The following HIVEP3 variants were observed in gnomAD, a reference collection of about 807,000 sequenced individuals.
HIVEP3 encodes HIVEP zinc finger 3.
HIVEP3 carries 49 observed loss-of-function variants against 152.8 expected under a neutral mutation model. The ratio of observed to expected loss-of-function variants is 0.32; its 90% confidence interval spans 0.26 to 0.41. The LOEUF (loss-of-function observed/expected upper bound fraction) is 0.41. HIVEP3 is among the 10% of genes least tolerant of loss of function. The pLI, the probability that HIVEP3 is intolerant of heterozygous loss-of-function variation, is 1.00. For synonymous variants in HIVEP3, 1,269 were observed against 1,289.0 expected (o/e 0.98, Z 0.33); for missense variants, 2,790 against 3,103.3 (o/e 0.90, Z 2.40).
At chr1:41,596,341 C>T (rs1462685553) in intron 3 of HIVEP3, among the ~76,000 whole-genome samples, 1 of 152,326 alleles carries the variant, frequency 6.6e-6, no homozygotes, top group African/African-American at 2.4e-5. Context: ...TACCCTCTGA[C>T]CTGGATTCAT....
intron 2 of HIVEP3, among the ~76,000 whole-genome samples, chr1:41,657,524 G>GC (rs1645646750): frequency 6.6e-6 from 1 of 152,166 alleles, no homozygotes; most frequent in Non-Finnish European, 1.5e-5. Flanking sequence ...CTATTTTGTT[G>GC]CCCCCTTTGG....
rs1053002045 is a variant in HIVEP3 at position 41,533,644 on chromosome 1, C to T, written c.5208-8734G>A. On this transcript the variant is annotated intron_variant, in intron 5 of 8. Transcript: ENST00000372583. This position sits in a 1 kb window ranked among gnomAD's most constrained non-coding sequence, Gnocchi z 4.3. ...CCTCTTGCTGGCCTTCTGGAGGCAC[C>T]TCATTCCCTCCTGCTTGTGTCTCCT... Among the ~76,000 whole-genome samples the T allele has an allele frequency of 3.3e-5, 5 of 151,828 alleles. No individual in the cohort carries two copies. Among genetic ancestry groups the T allele is most frequent in the Non-Finnish European group, 2.9e-5 (2 of 67,982 alleles).
rs564964678 is a variant in HIVEP3, at chr1:41,787,216, C to G, written c.-800-86221G>C. On this transcript the variant is annotated intron_variant, in intron 1 of 8. Coordinates refer to ENST00000372583, the MANE Select transcript of HIVEP3 (RefSeq NM_024503.5). ...ACCAAAATAATGCCCGTGTCTGATGCATGCACTACGCCGCAACAGTATCTG... is the reference window on the plus strand; with the variant it reads ...ACCAAAATAATGCCCGTGTCTGATGGATGCACTACGCCGCAACAGTATCTG... Among the ~76,000 whole-genome samples, 7 of 152,158 alleles carry G rather than the reference C, an allele frequency of 4.6e-5. 1 individual carries two copies. The highest frequency in any genetic ancestry group is 4.6e-4 in the Admixed American group (7 of 15,272).
intron 1 of HIVEP3, among the ~76,000 whole-genome samples, chr1:41,904,234 AG>A (rs1285875862): frequency 6.6e-6 from 1 of 152,080 alleles, no homozygotes; most frequent in Non-Finnish European, 1.5e-5. Flanking sequence ...GGAGGGCCCC[AG>A]GGTCAAACAA....
chr1:41,619,402 TAC>T (rs1291180894), intron 3 of HIVEP3, among the ~76,000 whole-genome samples: 2 of 152,238 alleles, frequency 1.3e-5, no homozygotes, highest in Non-Finnish European at 2.9e-5. Context: ...TTATTTTACA[TAC>T]ACTTATGTTT....
At chr1:41,886,712 CAAAAAAAAAAAAAA>C (rs71062602) in intron 1 of HIVEP3, among the ~76,000 whole-genome samples, 5 of 87,796 alleles carry the variant, frequency 5.7e-5, no homozygotes, top group African/African-American at 1.8e-4. Context: ...AACTCCATTT[CAAAAAAAAAAAAAA>C]AAAAAAAAAA....
intron 1 of HIVEP3, among the ~76,000 whole-genome samples, chr1:41,727,028 A>G (rs948355683): frequency 2.6e-5 from 4 of 152,202 alleles, no homozygotes; most frequent in Non-Finnish European, 5.9e-5. Flanking sequence ...CGGGAGGCAC[A>G]GATGGCGAGG....
At chr1:41,576,662 C>T (rs1644332072) in intron 4 of HIVEP3, among the ~76,000 whole-genome samples, 2 of 152,176 alleles carry the variant, frequency 1.3e-5, no homozygotes, top group South Asian at 4.1e-4. Flanking sequence ...TCCCCTTTGC[C>T]AGCCACCACA....
At chr1:41,830,056 C>T (rs1335278950) in intron 1 of HIVEP3, among the ~76,000 whole-genome samples, 1 of 152,204 alleles carries the variant, frequency 6.6e-6, no homozygotes, top group Non-Finnish European at 1.5e-5. Flanking sequence ...GTGTGATGCA[C>T]TTCATGTCAA....
At chr1:41,655,051 T>G (rs1645608590) in intron 2 of HIVEP3, among the ~76,000 whole-genome samples, 1 of 152,194 alleles carries the variant, frequency 6.6e-6, no homozygotes, top group African/African-American at 2.4e-5. Context: ...ATTATTAAAG[T>G]TGCTGTAACG....
Position 41,582,876 on chromosome 1 carries a change from A to G in HIVEP3, c.1922T>C (p.Val641Ala). The change falls in exon 4 of 9, where the codon GTG becomes GCG. Residue 641 changes from valine (V) to alanine (A), a missense_variant. Transcript: ENST00000372583. The surrounding 1 kb of genome is among the most constrained non-coding windows in gnomAD (Gnocchi z 4.7). ...ACCACATATGTTACATTCGTAGATC[A>G]CCCCTTTTGTTTTCAAACCCTTCTT... Reference protein sequence around the residue: ...KTKKGLKTKGVIYECNICGAR... With the variant: ...KTKKGLKTKGAIYECNICGAR... 6.2e-7 allele frequency: 1 copy of G among 1,613,786 alleles called. No individual in the cohort carries two copies. The highest frequency in any genetic ancestry group is 8.5e-7 in the Non-Finnish European group (1 of 1,179,984).
intron 1 of HIVEP3, among the ~76,000 whole-genome samples, chr1:41,851,655 C>T (rs1421590234): frequency 6.6e-6 from 1 of 152,196 alleles, no homozygotes; most frequent in Admixed American, 6.5e-5. Context: ...ACTTTCCTTC[C>T]TGTTTCTCTC....
At chr1:41,577,012 C>T (rs534330592) in intron 4 of HIVEP3, among the ~76,000 whole-genome samples, 4 of 152,282 alleles carry the variant, frequency 2.6e-5, no homozygotes, top group Admixed American at 6.5e-5. Context: ...GCACCCCGGC[C>T]TGAGATCTAG....
At chr1:41,937,190 C>A (rs557019880) in intron 1 of HIVEP3, among the ~76,000 whole-genome samples, 1 of 152,234 alleles carries the variant, frequency 6.6e-6, no homozygotes, top group South Asian at 2.1e-4. Flanking sequence ...CAAAGTCAGA[C>A]AAATGGATAC....
rs1644359623 is a variant in HIVEP3, at chr1:41,578,774, C to A, written c.5061+963G>T. Among the ~76,000 whole-genome samples the A allele has an allele frequency of 7.2e-5, 11 of 152,332 alleles. 1 individual carries two copies. The South Asian group carries it at 2.3e-3, about 32-fold the overall frequency. ...CCAGATTATCTTGACCTTTCTCAGA[C>A]TCTGACCCTCAGTTCCCTAAGCTAT... On this transcript the variant is annotated intron_variant, in intron 4 of 8. Coordinates refer to ENST00000372583, the MANE Select transcript of HIVEP3 (RefSeq NM_024503.5).
chr1:41,766,050 C>G (rs1647989103), intron 1 of HIVEP3, among the ~76,000 whole-genome samples: 1 of 152,244 alleles, frequency 6.6e-6, no homozygotes, highest in Admixed American at 6.5e-5. Flanking sequence ...AGAGGGCCAT[C>G]CTCTGCCTCA....
chr1:41,882,502 A>T (rs1204750156), intron 1 of HIVEP3, among the ~76,000 whole-genome samples: 2 of 152,162 alleles, frequency 1.3e-5, no homozygotes, highest in Non-Finnish European at 2.9e-5. Context: ...TTAAACTAGG[A>T]GTTGCAGGAG....
chr1:41,658,581 C>CG (rs1372326537), intron 2 of HIVEP3, among the ~76,000 whole-genome samples: 7 of 152,204 alleles, frequency 4.6e-5, no homozygotes, highest in East Asian at 1.9e-4. Context: ...CTTCACCCCC[C>CG]CCATGAGCCT....
At chr1:41,562,636 TCTC>T (rs1644094794) in intron 5 of HIVEP3, among the ~76,000 whole-genome samples, 3 of 136,324 alleles carry the variant, frequency 2.2e-5, no homozygotes, top group Admixed American at 7.2e-5. Flanking sequence ...TCTCTCTCCC[TCTC>T]TCTCTCTTTC....
Sources: allele counts gnomAD v4.1 joint callset (sites outside exome capture counted in the v4.1 genomes callset), GRCh38; gene constraint gnomAD v4.1.1; non-coding constraint Gnocchi (gnomAD v3.1); transcripts MANE v1.5; gene names NCBI Gene and HGNC (gene_info 2026-07-23, HGNC 2026-07-21).